MGAT4D: variants seen among roughly 807,000 people sequenced by gnomAD.
MGAT4D encodes alpha-1,3-mannosyl-glycoprotein 4-beta-N-acetylglucosaminyltransferase-like protein MGAT4D.
MGAT4D carries 34 observed loss-of-function variants against 15.9 expected under a neutral mutation model. The ratio of observed to expected loss-of-function variants is 2.14; its 90% CI spans 1.62 to 2.84. MGAT4D has a LOEUF of 2.84. Ranked by LOEUF, MGAT4D falls within the 30% of genes most tolerant of loss-of-function variation. MGAT4D has a pLI of 0.00. For synonymous variants in MGAT4D, 112 were observed against 48.2 expected, an observed-to-expected ratio of 2.33 and a Z score of -5.49; for missense variants, 327 against 140.2, an observed-to-expected ratio of 2.33 and a Z score of -6.73.
chr4:140,469,745 G>GT (rs1280905863), intron 5 of MGAT4D, among the ~76,000 whole-genome samples: 1 of 152,274 alleles, frequency 6.6e-6, no homozygotes, highest in East Asian at 1.9e-4. Flanking sequence ...TGCATTCAGG[G>GT]TTTTTTGTTT....
intron 8 of MGAT4D, chr4:140,458,344 G>A (rs1318025842): frequency 6.6e-6 from 1 of 152,158 alleles, no homozygotes; most frequent in Admixed American, 6.5e-5. Context: ...ACAGCAAAAC[G>A]TGTGGTTGCC....
chr4:140,473,601 T>C (rs1323773555), intron 4 of MGAT4D, among the ~76,000 whole-genome samples: 3 of 152,252 alleles, frequency 2.0e-5, no homozygotes, highest in African/African-American at 7.2e-5. Flanking sequence ...GGTTGGGAAG[T>C]AGAGAAGCTG....
chr4:140,465,428 C>A (rs74407203), intron 5 of MGAT4D, among the ~76,000 whole-genome samples: 2 of 152,114 alleles, frequency 1.3e-5, no homozygotes, highest in Non-Finnish European at 2.9e-5. Flanking sequence ...AACTAGATTA[C>A]CCCAGCAAGC....
intron 9 of MGAT4D, 118 bp downstream of exon 9, chr4:140,456,471 G>T: frequency 2.4e-6 from 1 of 409,790 alleles, no homozygotes; most frequent in Non-Finnish European, 4.3e-6. Context: ...TGGGATATTA[G>T]AAATTTTAAA....
intron 10 of MGAT4D, among the ~76,000 whole-genome samples, chr4:140,448,871 T>C (rs189234477): frequency 5.3e-5 from 8 of 152,348 alleles, no homozygotes; most frequent in Admixed American, 5.2e-4. Context: ...AAGTATCTTC[T>C]ACTCCCTGCC....
chr4:140,463,639 GA>G (rs1176019079), intron 6 of MGAT4D, among the ~76,000 whole-genome samples: 3 of 151,916 alleles, frequency 2.0e-5, no homozygotes, highest in East Asian at 1.9e-4. Context: ...AACCTCATAT[GA>G]AAAAAAATAA....
At chr4:140,459,491 C>A in intron 8 of MGAT4D, 21 bp downstream of exon 8, 2 of 436,226 alleles carry the variant, frequency 4.6e-6, no homozygotes, top group South Asian at 9.6e-5. Flanking sequence ...CTTGATCCAA[C>A]AAAGTAAATC....
Position 140,451,537 on chromosome 4 carries a change from A to G in MGAT4D, c.1009-20T>C. 1 of 514,774 alleles carries G rather than the reference A, an allele frequency of 1.9e-6. No individual in the cohort carries two copies. 31.9% of individuals were successfully genotyped at this position (514,774 alleles called of 1,614,324 possible). ...GTTTCTCTGGGGAAAAAGAAACAAC[A>G]ATCTTCTGTAAAAACCCAGGTATTG... On this transcript the variant is annotated intron_variant, in intron 9 of 10. Transcript: ENST00000511113.
intron 5 of MGAT4D, among the ~76,000 whole-genome samples, chr4:140,467,424 TA>T (rs1731612686): frequency 6.6e-6 from 1 of 152,136 alleles, no homozygotes; most frequent in Admixed American, 6.5e-5. Context: ...TCAAAAAGTT[TA>T]GATTACAGAG....
chr4:140,475,586 AG>A (rs898323548), intron 3 of MGAT4D, among the ~76,000 whole-genome samples: 2 of 148,152 alleles, frequency 1.3e-5, no homozygotes, highest in Non-Finnish European at 3.0e-5. Flanking sequence ...TCTTTAAGAT[AG>A]GGATAAGGAC....
rs192278359 is a variant in MGAT4D, at chr4:140,444,542, G to A, written c.1117-1098C>T. ...CAGCTGCATCCATGTGCCTGCAAAG[G>A]ACATGATCTCGTTCTTTTTTATGGC... On this transcript the variant is annotated intron_variant, in intron 10 of 10. Transcript: ENST00000511113. Among the ~76,000 whole-genome samples, 85 of 152,286 alleles carry A rather than the reference G, an allele frequency of 5.6e-4. 1 individual carries two copies. The highest frequency in any genetic ancestry group is 1.2e-3 in the Admixed American group (18 of 15,298).
intron 6 of MGAT4D, 148 bp downstream of exon 6, chr4:140,464,748 A>G (rs1285925053): frequency 3.4e-6 from 2 of 589,436 alleles, no homozygotes; most frequent in Non-Finnish European, 6.0e-6. Flanking sequence ...AGAGTTGGGA[A>G]GTGATGCACA....
In MGAT4D at chr4:140,454,963, C is replaced by T. The variant is rs77457344; in HGVS notation, c.1008+1626G>A. ...CCCACTTTCTTACTAATGTTGATAA[C>T]CTGTATTTTTTGTCACTCTTATTAG... On this transcript the variant is annotated intron_variant, in intron 9 of 10. Transcript: ENST00000511113. 0.019 allele frequency among the ~76,000 whole-genome samples: 2,863 copies of T among 152,088 alleles called. 135 individuals carry two copies. The East Asian group carries it at 0.21, about 11-fold the overall frequency.
Position 140,456,582 on chromosome 4 carries a change from T to C in MGAT4D, c.1008+7A>G. On this transcript the variant is annotated splice_region_variant and intron_variant, in intron 9 of 10. Coordinates refer to ENST00000511113, the MANE Select transcript of MGAT4D (RefSeq NM_001277353.2). The stretch of plus-strand genomic sequence containing the variant: ...AAATATTTGGTATTCATAAAGTAAA[T>C]ACTCACAAGATCTTCTCCTGCGTCA... 1.6e-6 allele frequency: 1 copy of C among 644,464 alleles called. No homozygotes were observed. Among genetic ancestry groups the C allele is most frequent in the East Asian group, 2.8e-5 (1 of 35,780 alleles). The allele number at this position is 644,464 out of a possible 1,614,324, so 39.9% of individuals were successfully genotyped here.
chr4:140,495,121 T>C (rs1733755075), intron 1 of MGAT4D, among the ~76,000 whole-genome samples: 1 of 152,232 alleles, frequency 6.6e-6, no homozygotes, highest in African/African-American at 2.4e-5. Context: ...CCTGTTCACA[T>C]TGGCCTCCTG....
intron 10 of MGAT4D, among the ~76,000 whole-genome samples, chr4:140,446,315 G>C (rs1730118642): frequency 6.6e-6 from 1 of 152,052 alleles, no homozygotes; most frequent in African/African-American, 2.4e-5. Flanking sequence ...TTTTGGTTCA[G>C]TAGGCTATTT....
chr4:140,490,059 A>G (rs755345536), intron 1 of MGAT4D, among the ~76,000 whole-genome samples: 13 of 152,222 alleles, frequency 8.5e-5, no homozygotes, highest in Non-Finnish European at 1.6e-4. Flanking sequence ...TGAATTCCCA[A>G]AGCTCCACAT....
chr4:140,450,085 T>A, intron 10 of MGAT4D: 1 of 353,206 alleles, frequency 2.8e-6, no homozygotes, highest in Non-Finnish European at 5.2e-6. Flanking sequence ...TGATACTTTT[T>A]AAAGCTTTAG....
At chr4:140,460,258 G>A (rs1731087343) in intron 7 of MGAT4D, among the ~76,000 whole-genome samples, 1 of 152,146 alleles carries the variant, frequency 6.6e-6, no homozygotes, top group Admixed American at 6.5e-5. Context: ...AAATACCATA[G>A]AATGGGTAGT....
Sources: allele counts gnomAD v4.1 joint callset (sites outside exome capture counted in the v4.1 genomes callset), GRCh38; gene constraint gnomAD v4.1.1; transcripts MANE v1.5; gene names NCBI Gene and HGNC (gene_info 2026-07-23, HGNC 2026-07-21).